COL6A2: variants seen among roughly 807,000 people sequenced by gnomAD.
COL6A2 encodes the protein collagen alpha-2(VI) chain.
A neutral mutation model predicts 124.9 loss-of-function variants in COL6A2; 90 were observed. The observed-to-expected ratio is 0.72, with a 90% CI of 0.61 to 0.86. The LOEUF (loss-of-function observed/expected upper bound fraction) is 0.86, where lower values mean the gene tolerates loss of function less well. Ranked by LOEUF, COL6A2 falls within the 40% of genes least tolerant of loss-of-function variation. COL6A2 has a pLI of 0.00. For missense variants in COL6A2, 1,607 were observed against 1,502.5 expected, an observed-to-expected ratio of 1.07 and a Z score of -1.15; for synonymous variants, 793 against 618.2, an observed-to-expected ratio of 1.28 and a Z score of -4.19.
chr21:46,129,909 C>T (rs1215325617), intron 27 of COL6A2: 17 of 948,772 alleles, frequency 1.8e-5, no homozygotes, highest in South Asian at 1.4e-4. Context: ...GCTGGGCTGC[C>T]GTGCGTCTGG....
intron 4 of COL6A2, 82 bp downstream of exon 4, chr21:46,112,906 C>A (rs559277459): frequency 1.3e-6 from 2 of 1,568,112 alleles, no homozygotes; most frequent in African/African-American, 1.4e-5. Context: ...CGACTCCTGG[C>A]GCCTCCAGGC....
intron 4 of COL6A2, among the ~76,000 whole-genome samples, chr21:46,113,379 T>C (rs1455359108): frequency 1.3e-5 from 2 of 150,354 alleles, no homozygotes; most frequent in African/African-American, 5.0e-5. Context: ...TTTATTCTTT[T>C]ATATTTGTTT....
intron 1 of COL6A2, among the ~76,000 whole-genome samples, chr21:46,108,866 C>G (rs2078363870): frequency 6.6e-6 from 1 of 152,154 alleles, no homozygotes; most frequent in Non-Finnish European, 1.5e-5. Context: ...CGCCTTTGCC[C>G]AAGTTCTTGT....
At chr21:46,117,563 C>T (rs868269677) in intron 11 of COL6A2, 110 bp downstream of exon 11, 1 of 1,081,948 alleles carries the variant, frequency 9.2e-7, no homozygotes, top group Non-Finnish European at 1.4e-6. Context: ...TCCCGGCAGC[C>T]CAGCAGCCCC....
At chr21:46,131,750 TGGC>T (rs1442817584) in intron 27 of COL6A2, among the ~76,000 whole-genome samples, 1 of 152,070 alleles carries the variant, frequency 6.6e-6, no homozygotes, top group Non-Finnish European at 1.5e-5. Context: ...GCAGAGGAGA[TGGC>T]GGCTCCCAGC....
Position 46,116,175 on chromosome 21 carries a change from A to T in COL6A2, c.900+122A>T, listed in dbSNP as rs2078467555. The T allele has an allele frequency of 8.4e-7, 1 of 1,197,234 alleles. No individual in the cohort carries two copies. Among genetic ancestry groups the T allele is most frequent in the Non-Finnish European group, 1.2e-6 (1 of 827,334 alleles). 74.2% of individuals were successfully genotyped at this position (1,197,234 alleles called of 1,614,324 possible). ...CCTCCCCCCAGTTACCAAGGAACAG[A>T]AGCACCTCGATAACTTGATGGCCGT... On this transcript the variant is annotated intron_variant, in intron 7 of 27. Transcript: ENST00000300527. The surrounding 1 kb of genome is among the most constrained non-coding windows in gnomAD (Gnocchi z 4.6).
intron 27 of COL6A2, chr21:46,129,323 C>G (rs1391360851): frequency 6.2e-7 from 1 of 1,612,810 alleles, no homozygotes; most frequent in East Asian, 2.2e-5. Context: ...TCACGCAGGA[C>G]CCGGCCGCCT....
intron 27 of COL6A2, among the ~76,000 whole-genome samples, chr21:46,130,118 G>A (rs150314859): frequency 6.6e-6 from 1 of 152,304 alleles, no homozygotes; most frequent in Non-Finnish European, 1.5e-5. Context: ...GATAGTCCTG[G>A]GGGAAGCTGG....
intron 27 of COL6A2, 91 bp downstream of exon 27, chr21:46,126,632 T>G: frequency 6.6e-7 from 1 of 1,518,698 alleles, no homozygotes; most frequent in Non-Finnish European, 9.1e-7. Flanking sequence ...GGAGGGGCCG[T>G]GCAGGGACCC....
chr21:46,126,885 A>G (rs1002072129), intron 27 of COL6A2, among the ~76,000 whole-genome samples: 6 of 152,132 alleles, frequency 3.9e-5, no homozygotes, highest in African/African-American at 1.4e-4. Flanking sequence ...CTGGCCGTGC[A>G]TGTGCCACTC....
At chr21:46,118,753 G>A in intron 13 of COL6A2, 77 bp downstream of exon 13, 1 of 1,495,346 alleles carries the variant, frequency 6.7e-7, no homozygotes. Flanking sequence ...AGTCACGCTG[G>A]CCACCATCTC....
chr21:46,132,120 C>G lies in COL6A2; in HGVS notation c.2628C>G (p.Arg876=). Residue 876 remains arginine (R), a synonymous_variant, in exon 28 of 28, where the codon CGC becomes CGG. Coordinates refer to ENST00000300527, the MANE Select transcript of COL6A2 (RefSeq NM_001849.4). ...ARRDDDPLNA[R]VALLQFGGPG... ...GGGACGACGACCCTCTCAACGCACG[C>G]GTGGCGCTGCTGCAGTTTGGTGGCC... 1.3e-6 allele frequency: 2 copies of G among 1,581,640 alleles called. No homozygotes were observed. The highest frequency in any genetic ancestry group is 1.7e-6 in the Non-Finnish European group (2 of 1,166,518).
Position 46,131,962 on chromosome 21 carries a change from G to T in COL6A2, c.2470G>T (p.Val824Leu). Residue 824 changes from valine (V) to leucine (L), a missense_variant, in exon 28 of 28, where the codon GTG becomes TTG. Around this residue, in one of 3 missense-constraint regions of COL6A2, gnomAD observed 1,223 missense variants for 1,052.2 expected, o/e 1.16. Transcript: ENST00000300527. ...PDLPCQTELS[V>L]AQCTQRPVDI... is the part of the protein sequence containing the mutation. ...CCTGCGTCTCCCCACAGAGCTGTCC[G>T]TGGCACAGTGCACGCAGCGGCCCGT... 6.2e-7 allele frequency: 1 copy of T among 1,603,456 alleles called. No homozygotes were observed.
chr21:46,104,125 G>C (rs1293236738), intron 1 of COL6A2, among the ~76,000 whole-genome samples: 1 of 151,792 alleles, frequency 6.6e-6, no homozygotes, highest in Non-Finnish European at 1.5e-5. Context: ...GGAAGAAAGA[G>C]ATTTTGATTT....
At position 46,125,280 on chromosome 21, in the gene COL6A2, G is replaced by A. The variant is rs200827806; in HGVS notation, c.1785G>A (p.Met595Ile). Residue 595 changes from methionine to isoleucine, a missense_variant, in exon 24 of 28, where the codon ATG becomes ATA. By Grantham distance (10) the Met-to-Ile change is conservative. Coordinates refer to ENST00000300527, the MANE Select transcript of COL6A2 (RefSeq NM_001849.4). ...GDPGLTECDV[M>I]TYVRETCGCC... ...GTGCATTGCAGGAGTGTGACGTCATGACCTACGTGAGGGAGACCTGCGGGT... is the reference window on the plus strand; with the variant it reads ...GTGCATTGCAGGAGTGTGACGTCATAACCTACGTGAGGGAGACCTGCGGGT... 1 of 1,612,238 alleles carries A rather than the reference G, an allele frequency of 6.2e-7. No individual in the cohort carries two copies. Among genetic ancestry groups the A allele is most frequent in the East Asian group, 2.2e-5 (1 of 44,866 alleles).
rs1201659515 is a variant in COL6A2, at chr21:46,132,497, A to G, written c.3005A>G (p.Tyr1002Cys). 1 of 1,608,158 alleles carries G rather than the reference A, an allele frequency of 6.2e-7. No homozygotes were observed. The highest frequency in any genetic ancestry group is 1.1e-5 in the South Asian group (1 of 91,022). The change falls in exon 28 of 28, where the codon TAT becomes TGT. Residue 1002 changes from tyrosine (Y) to cysteine (C), a missense_variant. Tyr to Cys is a radical substitution (Grantham distance 194, BLOSUM62 -2). Around this residue, in one of 3 missense-constraint regions of COL6A2, gnomAD observed 1,223 missense variants for 1,052.2 expected, o/e 1.16. Transcript: ENST00000300527. The part of the protein sequence containing the change: ...DRAAVFHEKD[Y>C]DSLAQPGFFD... Reference sequence around the variant, plus strand: ...GCCGCCGTGTTCCACGAGAAGGACTATGACAGCCTGGCGCAACCCGGCTTC... The same window carrying G: ...GCCGCCGTGTTCCACGAGAAGGACTGTGACAGCCTGGCGCAACCCGGCTTC...
rs2078474728 is a variant in COL6A2 at position 46,116,631 on chromosome 21, C to T, written c.928-20C>T. ...GCTTTGAGGCACCGAGCTCACTGCG[C>T]CGGCTTTCCTCCTACACAGGGTGAA... On this transcript the variant is annotated intron_variant, in intron 8 of 27. Coordinates refer to ENST00000300527, the MANE Select transcript of COL6A2 (RefSeq NM_001849.4). This position sits in a 1 kb window ranked among gnomAD's most constrained non-coding sequence, Gnocchi z 4.6. 3 of 1,612,982 alleles carry T rather than the reference C, an allele frequency of 1.9e-6. No individual in the cohort carries two copies. Among genetic ancestry groups the T allele is most frequent in the South Asian group, 2.2e-5 (2 of 91,082 alleles).
chr21:46,126,409 C>T (rs972790000), intron 26 of COL6A2, 94 bp from the exon 27 acceptor site: 1 of 1,565,836 alleles, frequency 6.4e-7, no homozygotes, highest in Non-Finnish European at 8.8e-7. Context: ...AGGCCAGCTG[C>T]ACCCTGAGCC....
At chr21:46,098,732 G>T (rs1310990386) in intron 1 of COL6A2, 1 of 151,892 alleles carries the variant, frequency 6.6e-6, no homozygotes, top group South Asian at 2.1e-4. Context: ...ACGCCCCATC[G>T]CTGCGCCCCT....
Sources: allele counts gnomAD v4.1 joint callset (sites outside exome capture counted in the v4.1 genomes callset), GRCh38; gene constraint gnomAD v4.1.1; regional missense constraint gnomAD v4.1.1; non-coding constraint Gnocchi (gnomAD v3.1); transcripts MANE v1.5; gene names NCBI Gene and HGNC (gene_info 2026-07-23, HGNC 2026-07-21).